Variants in ATP8B3 observed in about 807,000 individuals in gnomAD.
The protein encoded by ATP8B3 is ATPase phospholipid transporting 8B3, also known as phospholipid-transporting ATPase IK.
In ATP8B3, 141 loss-of-function variants were observed where a neutral mutation model predicts 140.9. The ratio of observed to expected loss-of-function variants is 1.00; its 90% CI spans 0.87 to 1.15. The LOEUF (loss-of-function observed/expected upper bound fraction) is 1.15, where lower values mean the gene tolerates loss of function less well. Ranked by LOEUF, ATP8B3 falls within the 50% of genes most tolerant of loss-of-function variation. The pLI is 0.00. For missense variants in ATP8B3, 1,874 were observed against 1,740.6 expected (o/e 1.08, Z -1.36); for synonymous variants, 765 against 714.6 (o/e 1.07, Z -1.13).
In ATP8B3 at chr19:1,788,968, A is replaced by C. The variant is rs745953920; in HGVS notation, c.2998T>G (p.Phe1000Val). The change falls in exon 24 of 29, where the codon TTC becomes GTC. Residue 1000 changes from phenylalanine (F) to valine (V), a missense_variant. Coordinates refer to ENST00000310127, the MANE Select transcript of ATP8B3 (RefSeq NM_138813.4). ...ATGCTGGCCATGCTCTTGTAGAAGA[A>C]GTAGCGCAGGAACTTGCAGATCCGC... ...YVRICKFLRY[F>V]FYKSMASMMV... The C allele has an allele frequency of 6.2e-7, 1 of 1,610,026 alleles. No homozygotes were observed. Among genetic ancestry groups the C allele is most frequent in the Non-Finnish European group, 8.5e-7 (1 of 1,178,558 alleles).
intron 14 of ATP8B3, 30 bp downstream of exon 14, chr19:1,799,917 C>T: frequency 1.3e-6 from 2 of 1,562,328 alleles, no homozygotes; most frequent in Non-Finnish European, 1.7e-6. Context: ...ATCGAGGACC[C>T]AGCTGGGAGC....
In ATP8B3 at chr19:1,790,113, C is replaced by T; in HGVS notation, c.2379-124G>A. The T allele has an allele frequency of 5.9e-6, 4 of 674,994 alleles. No individual in the cohort carries two copies. The South Asian group carries it at 7.0e-5, about 12-fold the overall frequency. The allele number at this position is 674,994 out of a possible 1,614,324, so 41.8% of individuals were successfully genotyped here. ...CCCCCACCCCTGCCCCTTCTCCTCCCCACTTCCCTCTTCCCCTCCCCTTTC... is the reference window on the plus strand; with the variant it reads ...CCCCCACCCCTGCCCCTTCTCCTCCTCACTTCCCTCTTCCCCTCCCCTTTC... On this transcript the variant is annotated intron_variant, in intron 21 of 28. Transcript: ENST00000310127.
At chr19:1,786,471 C>T in intron 25 of ATP8B3, among the ~76,000 whole-genome samples, 1 of 151,114 alleles carries the variant, frequency 6.6e-6, no homozygotes, top group South Asian at 2.1e-4. Context: ...GAGGCTGAGG[C>T]AGGAGAATCG....
chr19:1,783,665 G>A (rs1013840224), intron 28 of ATP8B3, among the ~76,000 whole-genome samples: 3 of 152,196 alleles, frequency 2.0e-5, no homozygotes, highest in Non-Finnish European at 4.4e-5. Context: ...GCAAATCCAG[G>A]AGAGGTGAGC....
At position 1,796,863 on chromosome 19, in the gene ATP8B3, C is replaced by T; in HGVS notation, c.1601G>A (p.Trp534Ter). The T allele has an allele frequency of 6.2e-7, 1 of 1,612,320 alleles. No homozygotes were observed. Among genetic ancestry groups the T allele is most frequent in the Non-Finnish European group, 8.5e-7 (1 of 1,179,466 alleles). ...TTRPKENPYLWNKFADGKLLF... is the reference protein window; with the variant it reads ...TTRPKENPYL ...CAGCTTCCCGTCGGCGAACTTGTTCCAGAGGTAGGGGTTCTCCTGGGGGTG... is the reference window on the plus strand; with the variant it reads ...CAGCTTCCCGTCGGCGAACTTGTTCTAGAGGTAGGGGTTCTCCTGGGGGTG... Residue 534 changes from tryptophan to a stop codon, truncating the protein, a stop_gained, in exon 16 of 29, where the codon TGG (tryptophan) becomes TAG (stop). Coordinates refer to ENST00000310127, the MANE Select transcript of ATP8B3 (RefSeq NM_138813.4). LOFTEE classifies it high-confidence loss of function.
chr19:1,787,303 A>AG, intron 24 of ATP8B3, 117 bp from the exon 25 acceptor site: 1 of 570,360 alleles, frequency 1.8e-6, no homozygotes, highest in Non-Finnish European at 3.1e-6. Context: ...GTTACACTCA[A>AG]GGTTGGGGCT....
chr19:1,787,013 C>T, intron 25 of ATP8B3, 90 bp downstream of exon 25: 1 of 1,303,818 alleles, frequency 7.7e-7, no homozygotes, highest in South Asian at 1.3e-5. Context: ...GAAGGTCTCC[C>T]AGGCTCCCTC....
At position 1,811,583 on chromosome 19, in the gene ATP8B3, C is replaced by G. The variant is rs778577198; in HGVS notation, c.154G>C (p.Ala52Pro). 2.5e-6 allele frequency: 4 copies of G among 1,612,230 alleles called. No homozygotes were observed. Among genetic ancestry groups the G allele is most frequent in the Non-Finnish European group, 3.4e-6 (4 of 1,179,794 alleles). The change falls in exon 2 of 29, where the codon GCT becomes CCT. Residue 52 changes from alanine to proline, a missense_variant. This residue lies in a region of ATP8B3 where 1,032 missense variants were observed against 963.6 expected (regional missense o/e 1.07). Transcript: ENST00000310127. ...CTGCCTGGGGAGTCTCCCATCCCAG[C>G]TCTGATCACCGTCTCACCTCCGCGG... ...GIRGGETVIR[A>P]GMGDSPGRGA... is the part of the protein sequence containing the mutation.
chr19:1,787,249 A>G, intron 24 of ATP8B3, 63 bp from the exon 25 acceptor site: 2 of 1,397,408 alleles, frequency 1.4e-6, no homozygotes, highest in South Asian at 1.2e-5. Flanking sequence ...GAGCCTGCCA[A>G]GCAGGCACCC....
chr19:1,800,084 T>C lies in ATP8B3; in HGVS notation c.1415A>G (p.Asp472Gly). Residue 472 changes from aspartate to glycine, a missense_variant, in exon 14 of 29, where the codon GAC (aspartate) becomes GGC (glycine). Physicochemically the swap from Asp to Gly is moderately conservative, Grantham distance 94. Transcript: ENST00000310127. The surrounding 1 kb of genome is among the most constrained non-coding windows in gnomAD (Gnocchi z 4.4). ...WDVQMYYKPQ[D>G]VPAKARSTSL... is the part of the protein sequence containing the mutation. ...GGTGCTGCGGGCCTTGGCAGGCACG[T>C]CCTGCGGCTTGTAGTACATCTGCAC... is the stretch of plus-strand genomic sequence containing the variant. The C allele has an allele frequency of 6.3e-7, 1 of 1,576,554 alleles. No individual in the cohort carries two copies. Among genetic ancestry groups the C allele is most frequent in the Non-Finnish European group, 8.6e-7 (1 of 1,161,422 alleles).
chr19:1,809,940 A>C (rs1160867532), intron 3 of ATP8B3, among the ~76,000 whole-genome samples: 2 of 152,212 alleles, frequency 1.3e-5, no homozygotes, highest in African/African-American at 2.4e-5. Context: ...GCACAAGTGG[A>C]TTCCGAGAGT....
chr19:1,782,459 G>A lies in ATP8B3; in HGVS notation c.*569C>T, dbSNP rs968619008. On this transcript the variant is annotated 3_prime_UTR_variant, in exon 29 of 29. Coordinates refer to ENST00000310127, the MANE Select transcript of ATP8B3 (RefSeq NM_138813.4). ...AGGCTGCTCGCTCGTGGACGTGGAC[G>A]ATTCTTCCAGACTTGGTGGCAGAGT... 14 of 205,664 alleles carry A rather than the reference G, an allele frequency of 6.8e-5. No homozygotes were observed. Among genetic ancestry groups the A allele is most frequent in the Non-Finnish European group, 1.3e-4 (13 of 103,830 alleles). 12.7% of individuals were successfully genotyped at this position (205,664 alleles called of 1,614,324 possible).
chr19:1,793,801 G>T, intron 18 of ATP8B3, among the ~76,000 whole-genome samples: 1 of 152,070 alleles, frequency 6.6e-6, no homozygotes, highest in East Asian at 1.9e-4. Flanking sequence ...GGAGTGTAGT[G>T]GCGCGATCTT....
Position 1,805,328 on chromosome 19 carries a change from C to G in ATP8B3, c.904+46G>C. On this transcript the variant is annotated intron_variant, in intron 10 of 28. Coordinates refer to ENST00000310127, the MANE Select transcript of ATP8B3 (RefSeq NM_138813.4). This position sits in a 1 kb window ranked among gnomAD's most constrained non-coding sequence, Gnocchi z 5.2. The stretch of plus-strand genomic sequence containing the variant: ...AACAACAAAATACCCTAACTTTTAA[C>G]TTTTACAGATTCGAGGGACGTGACT... 1 of 1,501,530 alleles carries G rather than the reference C, an allele frequency of 6.7e-7. No individual in the cohort carries two copies. Among genetic ancestry groups the G allele is most frequent in the Non-Finnish European group, 9.1e-7 (1 of 1,101,126 alleles). The allele number at this position is 1,501,530 out of a possible 1,614,324, so 93.0% of individuals were successfully genotyped here. A position where few individuals can be genotyped will look rare whatever the true frequency, so the allele number is the denominator to read the frequency against.
In ATP8B3 at chr19:1,805,600, A is replaced by T. The variant is rs1231313325; in HGVS notation, c.822-144T>A. On this transcript the variant is annotated intron_variant, in intron 9 of 28. Transcript: ENST00000310127. This position sits in a 1 kb window ranked among gnomAD's most constrained non-coding sequence, Gnocchi z 5.2. ...CCAGTCAGATGGCTGAGGCCCAGAG[A>T]GGGAGAAGGCCTTGCCCAAGGCCAC... 1 of 829,772 alleles carries T rather than the reference A, an allele frequency of 1.2e-6. No homozygotes were observed. Among genetic ancestry groups the T allele is most frequent in the Non-Finnish European group, 2.0e-6 (1 of 508,266 alleles). 51.4% of individuals were successfully genotyped at this position (829,772 alleles called of 1,614,324 possible). A position where few individuals can be genotyped will look rare whatever the true frequency, so the allele number is the denominator to read the frequency against.
rs1490873117 is a variant in ATP8B3 at position 1,791,993 on chromosome 19, T to C, written c.2190+8A>G. On this transcript the variant is annotated splice_region_variant and intron_variant, in intron 19 of 28. Coordinates refer to ENST00000310127, the MANE Select transcript of ATP8B3 (RefSeq NM_138813.4). ...CACCCTGAGGTCCTGCTCCATCTCG[T>C]TGTACACCTGTTGCAGGGCCTGTGC... is the stretch of plus-strand genomic sequence containing the variant. The C allele has an allele frequency of 2.2e-6, 3 of 1,375,962 alleles. No homozygotes were observed. The highest frequency in any genetic ancestry group is 1.5e-5 in the African/African-American group (1 of 67,454). The allele number at this position is 1,375,962 out of a possible 1,614,324, so 85.2% of individuals were successfully genotyped here. A position where few individuals can be genotyped will look rare whatever the true frequency, so the allele number is the denominator to read the frequency against.
chr19:1,807,309 C>T lies in ATP8B3; in HGVS notation c.517-43G>A, dbSNP rs1297404227. 24 of 1,516,418 alleles carry T rather than the reference C, an allele frequency of 1.6e-5. No individual in the cohort carries two copies. The highest frequency in any genetic ancestry group is 2.0e-5 in the Non-Finnish European group (22 of 1,096,438). 93.9% of individuals were successfully genotyped at this position (1,516,418 alleles called of 1,614,324 possible). A position where few individuals can be genotyped will look rare whatever the true frequency, so the allele number is the denominator to read the frequency against. ...CAGGAAGGGTCACACCAGCCCACTC[C>T]CCCGTCCCCTGCCCTTCCACCAAGC... On this transcript the variant is annotated intron_variant, in intron 5 of 28. Coordinates refer to ENST00000310127, the MANE Select transcript of ATP8B3 (RefSeq NM_138813.4). The surrounding 1 kb of genome is among the most constrained non-coding windows in gnomAD (Gnocchi z 5.9).
In ATP8B3 at chr19:1,794,872, C is replaced by A. The variant is rs1052417588; in HGVS notation, c.2055+1003G>T. 6.6e-6 allele frequency among the ~76,000 whole-genome samples: 1 copy of A among 152,220 alleles called. No individual in the cohort carries two copies. The highest frequency in any genetic ancestry group is 2.4e-5 in the African/African-American group (1 of 41,466). ...TGGGCCGAGGAGTTCGGGCTTCCCC[C>A]ACAGAGTGGGAAGCTTTGGAGCAGA... On this transcript the variant is annotated intron_variant, in intron 18 of 28. Coordinates refer to ENST00000310127, the MANE Select transcript of ATP8B3 (RefSeq NM_138813.4). The surrounding 1 kb of genome is among the most constrained non-coding windows in gnomAD (Gnocchi z 4.8).
Position 1,782,226 on chromosome 19 carries a change from C to A in ATP8B3, c.*802G>T. On this transcript the variant is annotated 3_prime_UTR_variant, in exon 29 of 29. Coordinates refer to ENST00000310127, the MANE Select transcript of ATP8B3 (RefSeq NM_138813.4). ...CCAGGAAGGACATCTTCCTGATATGCCAGCGTGACTCCTTTGGGCTCGAAG... is the reference window on the plus strand; with the variant it reads ...CCAGGAAGGACATCTTCCTGATATGACAGCGTGACTCCTTTGGGCTCGAAG... The A allele has an allele frequency of 3.3e-6, 1 of 302,362 alleles. No homozygotes were observed. The highest frequency in any genetic ancestry group is 6.3e-6 in the Non-Finnish European group (1 of 158,234). The allele number at this position is 302,362 out of a possible 1,614,324, so 18.7% of individuals were successfully genotyped here.
Sources: gnomAD v4.1 joint callset for allele counts (sites outside exome capture counted in the v4.1 genomes callset) on GRCh38, gnomAD v4.1.1 for gene constraint, gnomAD v4.1.1 regional missense constraint, Gnocchi (gnomAD v3.1) non-coding constraint, MANE v1.5 for transcripts, NCBI Gene and HGNC (gene_info 2026-07-23, HGNC 2026-07-21) for gene names.